The following ZNF678 variants were observed in gnomAD, a reference collection of about 807,000 sequenced individuals.
The protein encoded by ZNF678 is zinc finger protein 678.
Under a neutral mutation model 3.0 loss-of-function variants are expected in ZNF678, and 5 were observed. That is an observed-to-expected ratio of 1.69 (90% CI 0.88 to 3.56). The LOEUF (loss-of-function observed/expected upper bound fraction) is 3.56. ZNF678 is among the 30% of genes most tolerant of loss of function. ZNF678 has a pLI of 0.00. For missense variants in ZNF678, 593 were observed against 605.0 expected, an observed-to-expected ratio of 0.98 and a Z score of 0.21; for synonymous variants, 218 against 199.6, an observed-to-expected ratio of 1.09 and a Z score of -0.78.
intron 3 of ZNF678, among the ~76,000 whole-genome samples, chr1:227,652,520 C>T (rs1300296063): frequency 6.6e-6 from 1 of 152,050 alleles, no homozygotes; most frequent in Non-Finnish European, 1.5e-5. Flanking sequence ...GCCATTGCTT[C>T]TACTCTCTTC....
chr1:227,627,698 T>C (rs1200077384), intron 1 of ZNF678, among the ~76,000 whole-genome samples: 2 of 152,162 alleles, frequency 1.3e-5, no homozygotes, highest in Non-Finnish European at 2.9e-5. Context: ...TTCCTTCTCC[T>C]GTGTTCTAGT....
intron 5 of ZNF678, among the ~76,000 whole-genome samples, chr1:227,671,843 C>CTTA (rs1242376339): frequency 6.6e-6 from 1 of 152,130 alleles, no homozygotes; most frequent in Non-Finnish European, 1.5e-5. Context: ...TTCCAAGGAG[C>CTTA]TTATCACTTA....
rs546480590 is a variant in ZNF678, at chr1:227,598,512, G to A, written c.-164+34788G>A. 1.1e-4 allele frequency: 146 copies of A among 1,337,252 alleles called. No individual in the cohort carries two copies. In the African/African-American group the frequency reaches 1.8e-3, roughly 17 times the overall value. The allele number at this position is 1,337,252 out of a possible 1,614,324, so 82.8% of individuals were successfully genotyped here. On this transcript the variant is annotated intron_variant, in intron 1 of 3. Transcript: ENST00000343776. ...CTTTTTCTTTTTTTGTTTTTTTTCT[G>A]TTGCTTTTTCTCATTTTTCACTGCT...
At chr1:227,627,856 T>C (rs1274381201) in intron 1 of ZNF678, among the ~76,000 whole-genome samples, 3 of 152,186 alleles carry the variant, frequency 2.0e-5, no homozygotes, top group Admixed American at 6.5e-5. Context: ...AGTATACAAG[T>C]TGAGCTCAGG....
chr1:227,598,865 T>C, intron 1 of ZNF678: 1 of 633,916 alleles, frequency 1.6e-6, no homozygotes, highest in Non-Finnish European at 3.0e-6. Context: ...ACCTACCAAA[T>C]TTATTCTTTT....
At chr1:227,577,850 G>A (rs542069407) in intron 1 of ZNF678, among the ~76,000 whole-genome samples, 15 of 152,292 alleles carry the variant, frequency 9.8e-5, no homozygotes, top group Non-Finnish European at 2.9e-5. Context: ...GTGTACTTCA[G>A]TGTGTTTTTG....
chr1:227,598,889 G>A, intron 1 of ZNF678: 3 of 677,512 alleles, frequency 4.4e-6, no homozygotes, highest in Non-Finnish European at 8.2e-6. Context: ...TTTTTGTTTT[G>A]ATGAGCTCTC....
chr1:227,593,780 A>G (rs1045493781), intron 1 of ZNF678, among the ~76,000 whole-genome samples: 5 of 151,456 alleles, frequency 3.3e-5, no homozygotes. Flanking sequence ...TAGCTTTGGT[A>G]GGGTTTTCCC....
At chr1:227,615,665 G>A (rs1411850761) in intron 1 of ZNF678, among the ~76,000 whole-genome samples, 1 of 152,094 alleles carries the variant, frequency 6.6e-6, no homozygotes, top group Non-Finnish European at 1.5e-5. Flanking sequence ...TTCCCCAGAT[G>A]GCCTGATGTC....
intron 5 of ZNF678, among the ~76,000 whole-genome samples, chr1:227,672,857 G>C (rs916756593): frequency 6.6e-6 from 1 of 152,082 alleles, no homozygotes; most frequent in South Asian, 2.1e-4. Context: ...GTCTTGTGCT[G>C]GGGTCCTAAT....
intron 1 of ZNF678, among the ~76,000 whole-genome samples, chr1:227,644,150 C>T (rs974342917): frequency 3.3e-5 from 5 of 152,052 alleles, no homozygotes; most frequent in Non-Finnish European, 7.4e-5. Context: ...CAGGCGTGAG[C>T]CACCACGCCT....
chr1:227,610,093 T>C (rs1442098750), intron 1 of ZNF678, among the ~76,000 whole-genome samples: 3 of 152,128 alleles, frequency 2.0e-5, no homozygotes, highest in Non-Finnish European at 4.4e-5. Context: ...CAAAGTAACA[T>C]ACAGAGTGTT....
chr1:227,592,569 A>G (rs748719004), intron 1 of ZNF678, among the ~76,000 whole-genome samples: 3 of 152,240 alleles, frequency 2.0e-5, no homozygotes, highest in Non-Finnish European at 2.9e-5. Context: ...ACTCATGAAA[A>G]GCTTGTTGCT....
intron 1 of ZNF678, among the ~76,000 whole-genome samples, chr1:227,576,215 T>G (rs1187214769): frequency 6.6e-6 from 1 of 152,212 alleles, no homozygotes; most frequent in Non-Finnish European, 1.5e-5. Context: ...GTTTTCTTCT[T>G]TTGTTCTGCC....
chr1:227,577,338 T>A (rs541197247), intron 1 of ZNF678, among the ~76,000 whole-genome samples: 5 of 152,352 alleles, frequency 3.3e-5, no homozygotes, highest in Admixed American at 2.0e-4. Context: ...AGTGGGGTAT[T>A]AAAGCCCCCT....
chr1:227,642,615 T>C (rs552119235), intron 1 of ZNF678, among the ~76,000 whole-genome samples: 1 of 152,230 alleles, frequency 6.6e-6, no homozygotes, highest in African/African-American at 2.4e-5. Flanking sequence ...CCTGGCCTCA[T>C]AGGAATACCT....
intron 1 of ZNF678, among the ~76,000 whole-genome samples, chr1:227,590,423 C>T (rs1297402243): frequency 6.6e-6 from 1 of 151,604 alleles, no homozygotes; most frequent in Non-Finnish European, 1.5e-5. Context: ...AAGGTTTTAC[C>T]AGTTTTATTA....
At chr1:227,605,297 T>C (rs1247212998) in intron 1 of ZNF678, among the ~76,000 whole-genome samples, 1 of 152,222 alleles carries the variant, frequency 6.6e-6, no homozygotes, top group Admixed American at 6.5e-5. Flanking sequence ...CTTCACCTCA[T>C]AGTCTGCAAC....
chr1:227,574,940 G>T (rs536174744), intron 1 of ZNF678, among the ~76,000 whole-genome samples: 6 of 142,968 alleles, frequency 4.2e-5, no homozygotes, highest in African/African-American at 1.6e-4. Flanking sequence ...TGCTTATGGG[G>T]TTTTTTGTTG....
Sources: allele counts gnomAD v4.1 joint callset (sites outside exome capture counted in the v4.1 genomes callset), GRCh38; gene constraint gnomAD v4.1.1; transcripts MANE v1.5; gene names NCBI Gene and HGNC (gene_info 2026-07-23, HGNC 2026-07-21).